P4HA1: variants seen among roughly 807,000 people sequenced by gnomAD.
P4HA1 encodes the protein prolyl 4-hydroxylase subunit alpha-1.
P4HA1 carries 24 observed loss-of-function variants against 72.8 expected under a neutral mutation model. That is an observed-to-expected ratio of 0.33 (90% CI 0.24 to 0.46). P4HA1 has a LOEUF of 0.46. P4HA1 is among the 20% of genes least tolerant of loss of function. P4HA1 has a pLI of 1.00. For synonymous variants in P4HA1, 201 were observed against 218.8 expected (o/e 0.92, Z 0.72); for missense variants, 446 against 640.6 (o/e 0.70, Z 3.28).
At position 73,027,759 on chromosome 10, in the gene P4HA1, GGGAA is replaced by G. The variant is rs201478519; in HGVS notation, c.1248+2508_1248+2511del. Among the ~76,000 whole-genome samples, 119 of 143,364 alleles carry G rather than the reference GGGAA, an allele frequency of 8.3e-4. 1 individual carries two copies. In the East Asian group the frequency reaches 0.014, roughly 17 times the overall value. 94.1% of individuals were successfully genotyped at this position (143,364 alleles called of 152,430 possible). A position where few individuals can be genotyped will look rare whatever the true frequency, so the allele number is the denominator to read the frequency against. ...AGGATGGATGCAGGGAGGGAGGGAA[GGGAA>G]GGAAGGAAGGAAGGAAGCAAGCAAA... On this transcript the variant is annotated intron_variant, in intron 10 of 14. Coordinates refer to ENST00000394890, the MANE Select transcript of P4HA1 (RefSeq NM_001017962.3).
intron 8 of P4HA1, among the ~76,000 whole-genome samples, 156 bp from the exon 9 acceptor site, chr10:73,045,207 A>G (rs1247506105): frequency 6.6e-6 from 1 of 151,668 alleles, no homozygotes; most frequent in Non-Finnish European, 1.5e-5. Flanking sequence ...CTTGAAAGCC[A>G]GTTAGTTTTT....
intron 1 of P4HA1, among the ~76,000 whole-genome samples, chr10:73,086,577 C>T (rs1205131728): frequency 6.6e-6 from 1 of 152,096 alleles, no homozygotes; most frequent in Middle Eastern, 3.2e-3. Flanking sequence ...GAAATGTATA[C>T]TTTAAAGGGA....
At chr10:73,040,428 T>C (rs539486093) in intron 9 of P4HA1, among the ~76,000 whole-genome samples, 5 of 151,844 alleles carry the variant, frequency 3.3e-5, no homozygotes, top group East Asian at 3.9e-4. Flanking sequence ...ATTGCATACA[T>C]AGAAAATTTC....
rs1443941307 is a variant in P4HA1 at position 73,037,551 on chromosome 10, ATATATATATATATATATATATTT to A, written c.1149-7204_1149-7182del. ...TATATATATATATATATATATATAT[ATATATATATATATATATATATTT>A]TTTTTTTTTTTTTTTTACAAAGGCA... is the stretch of plus-strand genomic sequence containing the variant. On this transcript the variant is annotated intron_variant, in intron 9 of 14. Coordinates refer to ENST00000394890, the MANE Select transcript of P4HA1 (RefSeq NM_001017962.3). Among the ~76,000 whole-genome samples, 49 of 30,586 alleles carry A rather than the reference ATATATATATATATATATATATTT, an allele frequency of 1.6e-3. 1 individual carries two copies. Among genetic ancestry groups the A allele is most frequent in the African/African-American group, 5.0e-3 (38 of 7,592 alleles). The allele number at this position is 30,586 out of a possible 152,430, so 20.1% of individuals were successfully genotyped here. A position where few individuals can be genotyped will look rare whatever the true frequency, so the allele number is the denominator to read the frequency against.
intron 1 of P4HA1, among the ~76,000 whole-genome samples, chr10:73,096,561 A>C (rs896070629): frequency 6.6e-6 from 1 of 152,188 alleles, no homozygotes; most frequent in Admixed American, 6.5e-5. Flanking sequence ...GGGGGGCACG[A>C]AGGAGCGCGG....
In P4HA1 at chr10:73,072,193, A is replaced by C. The variant is rs745406213; in HGVS notation, c.174-13T>G. 6.3e-7 allele frequency: 1 copy of C among 1,590,948 alleles called. No individual in the cohort carries two copies. The highest frequency in any genetic ancestry group is 8.6e-7 in the Non-Finnish European group (1 of 1,165,674). ...CTTCTCTGCCCATCTACAGATGTAA[A>C]ACATAAAAACTGAATATTTATATTT... On this transcript the variant is annotated splice_polypyrimidine_tract_variant and intron_variant, in intron 3 of 14. Coordinates refer to ENST00000394890, the MANE Select transcript of P4HA1 (RefSeq NM_001017962.3).
At chr10:73,084,115 T>C (rs1258840600) in intron 1 of P4HA1, among the ~76,000 whole-genome samples, 5 of 152,222 alleles carry the variant, frequency 3.3e-5, no homozygotes, top group Non-Finnish European at 5.9e-5. Flanking sequence ...TCACCTATTT[T>C]TGATTTAAAC....
chr10:73,048,878 T>TA (rs1438609998), intron 7 of P4HA1, among the ~76,000 whole-genome samples: 2 of 152,172 alleles, frequency 1.3e-5, no homozygotes, highest in Non-Finnish European at 2.9e-5. Flanking sequence ...CTCACGCCTG[T>TA]AATCCCAGCA....
chr10:73,053,573 A>T lies in P4HA1; in HGVS notation c.481T>A (p.Phe161Ile), dbSNP rs1487547589. ...GNLPGVKHKS[F>I]LTAEDCFELG... ...TCAAAGCAGTCCTCAGCCGTTAGAA[A>T]AGATTTGTGTTTCACTCCTATGAAA... Residue 161 changes from phenylalanine to isoleucine, a missense_variant, in exon 6 of 15, where the codon TTT becomes ATT. Phe to Ile is a conservative substitution (Grantham distance 21, BLOSUM62 0). Coordinates refer to ENST00000394890, the MANE Select transcript of P4HA1 (RefSeq NM_001017962.3). 1.9e-6 allele frequency: 3 copies of T among 1,613,730 alleles called. No homozygotes were observed. In the African/African-American group the frequency reaches 4.0e-5, roughly 22 times the overall value.
At chr10:73,034,636 G>A (rs1840524074) in intron 9 of P4HA1, among the ~76,000 whole-genome samples, 1 of 147,800 alleles carries the variant, frequency 6.8e-6, no homozygotes, top group South Asian at 2.1e-4. Flanking sequence ...TGCCCAGGCT[G>A]GAGTGCAGTG....
chr10:73,087,895 C>T (rs1040572243), intron 1 of P4HA1, among the ~76,000 whole-genome samples: 2 of 152,104 alleles, frequency 1.3e-5, no homozygotes, highest in Non-Finnish European at 2.9e-5. Flanking sequence ...TTTGGAAGAG[C>T]AGAATTTCTT....
intron 9 of P4HA1, among the ~76,000 whole-genome samples, chr10:73,039,455 C>T (rs183878564): frequency 3.9e-5 from 6 of 152,032 alleles, no homozygotes; most frequent in South Asian, 2.1e-4. Flanking sequence ...CACAGGCACC[C>T]GCCACCATGC....
At chr10:73,083,522 A>C (rs964602826) in intron 1 of P4HA1, among the ~76,000 whole-genome samples, 4 of 152,352 alleles carry the variant, frequency 2.6e-5, no homozygotes, top group African/African-American at 9.6e-5. Flanking sequence ...GTTCTTCCAA[A>C]GTCCTAAGTC....
At chr10:73,091,062 A>G (rs1336499367) in intron 1 of P4HA1, among the ~76,000 whole-genome samples, 1 of 107,062 alleles carries the variant, frequency 9.3e-6, no homozygotes, top group East Asian at 4.0e-4. Context: ...GTCCATCTCA[A>G]AAAAAAAAAA....
chr10:73,008,158 C>T lies in P4HA1; in HGVS notation c.*64G>A, dbSNP rs910746732. Reference sequence around the variant, plus strand: ...AATTGTAAACTCCTGAAAGTTAAGACTAGGAAATGTGTATATCAGACACAT... The same window carrying T: ...AATTGTAAACTCCTGAAAGTTAAGATTAGGAAATGTGTATATCAGACACAT... On this transcript the variant is annotated 3_prime_UTR_variant, in exon 15 of 15. Coordinates refer to ENST00000394890, the MANE Select transcript of P4HA1 (RefSeq NM_001017962.3). 7 of 965,138 alleles carry T rather than the reference C, an allele frequency of 7.3e-6. No homozygotes were observed. In the African/African-American group the frequency reaches 1.1e-4, roughly 16 times the overall value. 59.8% of individuals were successfully genotyped at this position (965,138 alleles called of 1,614,324 possible).
At chr10:73,056,155 T>C (rs1197665164) in intron 5 of P4HA1, among the ~76,000 whole-genome samples, 2 of 152,220 alleles carry the variant, frequency 1.3e-5, no homozygotes, top group Non-Finnish European at 2.9e-5. Flanking sequence ...GACCTTCCTG[T>C]ATAAAAGATT....
chr10:73,089,609 A>G (rs1237597794), intron 1 of P4HA1, among the ~76,000 whole-genome samples: 3 of 152,014 alleles, frequency 2.0e-5, no homozygotes, highest in Admixed American at 2.0e-4. Flanking sequence ...AAATCATGGT[A>G]TATTCATAAA....
chr10:73,054,658 G>A (rs1223912137), intron 5 of P4HA1, among the ~76,000 whole-genome samples: 6 of 152,176 alleles, frequency 3.9e-5, no homozygotes, highest in Non-Finnish European at 7.3e-5. Flanking sequence ...TACGCTTAAC[G>A]TTTTGAGGAA....
chr10:73,020,363 C>T (rs924328126), intron 10 of P4HA1, among the ~76,000 whole-genome samples: 4 of 151,760 alleles, frequency 2.6e-5, no homozygotes, highest in African/African-American at 9.7e-5. Flanking sequence ...AAACTGAAAC[C>T]CTGAACAGAC....
Sources: allele counts gnomAD v4.1 joint callset (sites outside exome capture counted in the v4.1 genomes callset), GRCh38; gene constraint gnomAD v4.1.1; transcripts MANE v1.5; gene names NCBI Gene and HGNC (gene_info 2026-07-23, HGNC 2026-07-21).